Variants in RPGRIP1L observed in about 807,000 individuals in gnomAD.
The protein encoded by RPGRIP1L is protein fantom.
A neutral mutation model predicts 160.4 loss-of-function variants in RPGRIP1L; 131 were observed. That is an observed-to-expected ratio of 0.82 (90% confidence interval 0.71 to 0.94). The LOEUF (loss-of-function observed/expected upper bound fraction) is 0.94. RPGRIP1L is among the 40% of genes least tolerant of loss of function. The probability of loss-of-function intolerance (pLI) is 0.00; values close to 1 mark genes in which losing one functional copy is unlikely to be tolerated. For missense variants in RPGRIP1L, 1,522 were observed against 1,535.8 expected, an observed-to-expected ratio of 0.99 and a Z score of 0.15; for synonymous variants, 510 against 515.8, an observed-to-expected ratio of 0.99 and a Z score of 0.15.
chr16:53,653,457 G>A (rs527660419), intron 14 of RPGRIP1L: 4 of 531,238 alleles, frequency 7.5e-6, no homozygotes, highest in South Asian at 7.8e-5. Context: ...TGGTTTCACC[G>A]TTATATACAG....
In RPGRIP1L at chr16:53,700,736, G is replaced by GA. The variant is rs1256673338; in HGVS notation, c.-7-7dup. ...TTGGACCAGACATGGCCTAGCTGTG[G>GA]AAAAAAGAAAATTCAAATAAACTCT... On this transcript the variant is annotated splice_region_variant and splice_polypyrimidine_tract_variant and intron_variant, in intron 1 of 26. Transcript: ENST00000647211. The GA allele has an allele frequency of 1.9e-6, 3 of 1,603,492 alleles. No individual in the cohort carries two copies. The highest frequency in any genetic ancestry group is 1.3e-5 in the African/African-American group (1 of 74,752).
chr16:53,687,828 A>G, intron 5 of RPGRIP1L, 35 bp downstream of exon 5: 1 of 1,302,226 alleles, frequency 7.7e-7, no homozygotes, highest in Non-Finnish European at 1.1e-6. Flanking sequence ...ATCAATAACC[A>G]AAGTTCTCAA....
In RPGRIP1L at chr16:53,645,804, T is replaced by C; in HGVS notation, c.2504A>G (p.Asp835Gly). 6.2e-7 allele frequency: 1 copy of C among 1,614,188 alleles called. No homozygotes were observed. ...HDTAIIPSSN[D>G]PQFDDHMYFP... Reference sequence around the variant, plus strand: ...ATACATATGATCATCAAACTGTGGATCATTGCTACTGGGAATGATAGCTGT... The same window carrying C: ...ATACATATGATCATCAAACTGTGGACCATTGCTACTGGGAATGATAGCTGT... The change falls in exon 17 of 27, where the codon GAT becomes GGT. Residue 835 changes from aspartate (D) to glycine (G), a missense_variant. Physicochemically the swap from Asp to Gly is moderately conservative, Grantham distance 94. Coordinates refer to ENST00000647211, the MANE Select transcript of RPGRIP1L (RefSeq NM_015272.5).
At chr16:53,667,920 T>C (rs1052677993) in intron 9 of RPGRIP1L, among the ~76,000 whole-genome samples, 2 of 151,842 alleles carry the variant, frequency 1.3e-5, no homozygotes, top group African/African-American at 4.8e-5. Context: ...TAGACAGGTC[T>C]TGTGGCACAT....
chr16:53,645,765 A>T lies in RPGRIP1L; in HGVS notation c.2543T>A (p.Met848Lys), dbSNP rs1325721033. ...AAGGTATCGATCCAAGTCCATATTC[A>T]TTGGCACTGGGAAATACATATGATC... The part of the protein sequence containing the change: ...FDDHMYFPVP[M>K]NMDLDRYLKS... The change falls in exon 17 of 27, where the codon ATG becomes AAG. Residue 848 changes from methionine (M) to lysine (K), a missense_variant. By Grantham distance (95) the Met-to-Lys change is moderately conservative. Transcript: ENST00000647211. 1 of 1,614,144 alleles carries T rather than the reference A, an allele frequency of 6.2e-7. No homozygotes were observed. The highest frequency in any genetic ancestry group is 1.1e-5 in the South Asian group (1 of 91,078).
At position 53,605,253 on chromosome 16, in the gene RPGRIP1L, AAATT is replaced by A. The variant is rs1963602707; in HGVS notation, c.3835+224_3835+227del. ...CAAATGAATAATTCCTTGTGAAGCT[AAATT>A]AATTATTTTACAATTGCTGTTGATT... is the stretch of plus-strand genomic sequence containing the variant. On this transcript the variant is annotated intron_variant, in intron 26 of 26. Coordinates refer to ENST00000647211, the MANE Select transcript of RPGRIP1L (RefSeq NM_015272.5). The A allele has an allele frequency of 5.0e-6, 3 of 603,078 alleles. No individual in the cohort carries two copies. In the South Asian group the frequency reaches 6.0e-5, roughly 12 times the overall value. 37.4% of individuals were successfully genotyped at this position (603,078 alleles called of 1,614,324 possible). A position where few individuals can be genotyped will look rare whatever the true frequency, so the allele number is the denominator to read the frequency against.
Position 53,619,190 on chromosome 16 carries a change from T to A in RPGRIP1L, c.3451A>T (p.Ile1151Phe). 1 of 1,613,372 alleles carries A rather than the reference T, an allele frequency of 6.2e-7. No homozygotes were observed. Among genetic ancestry groups the A allele is most frequent in the South Asian group, 1.1e-5 (1 of 91,048 alleles). ...TTAAGGCTTAGAGCTATGATCTCAATCCGAATTTTTTCTGATGGCTGTTTA... is the reference window on the plus strand; with the variant it reads ...TTAAGGCTTAGAGCTATGATCTCAAACCGAATTTTTTCTGATGGCTGTTTA... ...HHTQPSEKIR[I>F]EIIALSLNDS... Residue 1151 changes from isoleucine (I) to phenylalanine (F), a missense_variant, in exon 24 of 27, where the codon ATT becomes TTT. Coordinates refer to ENST00000647211, the MANE Select transcript of RPGRIP1L (RefSeq NM_015272.5).
chr16:53,637,777 T>C lies in RPGRIP1L; in HGVS notation c.3138A>G (p.Leu1046=), dbSNP rs1306386140. Residue 1046 remains leucine (L), a synonymous_variant, in exon 21 of 27, where the codon TTA becomes TTG. Transcript: ENST00000647211. ...GTTCTGCAAGCTGACCTTCAGATAGTAAAGACACATCATCTTTTCCTTGCT... is the reference window on the plus strand; with the variant it reads ...GTTCTGCAAGCTGACCTTCAGATAGCAAAGACACATCATCTTTTCCTTGCT... ...KMQQGKDDVS[L]LSEGQLAEQS... is the part of the protein sequence containing the mutation. The C allele has an allele frequency of 6.2e-7, 1 of 1,613,146 alleles. No individual in the cohort carries two copies. The highest frequency in any genetic ancestry group is 1.3e-5 in the African/African-American group (1 of 75,028).
chr16:53,700,636 T>C lies in RPGRIP1L; in HGVS notation c.85+3A>G. 1.3e-6 allele frequency: 2 copies of C among 1,598,038 alleles called. No homozygotes were observed. The highest frequency in any genetic ancestry group is 8.6e-7 in the Non-Finnish European group (1 of 1,166,144). Reference sequence around the variant, plus strand: ...AACTGTAATAAATAACAGCTGGCCATACCTTGTAACCCTCCCATTCCAAAG... The same window carrying C: ...AACTGTAATAAATAACAGCTGGCCACACCTTGTAACCCTCCCATTCCAAAG... On this transcript the variant is annotated splice_donor_region_variant and intron_variant, in intron 2 of 26. Coordinates refer to ENST00000647211, the MANE Select transcript of RPGRIP1L (RefSeq NM_015272.5).
intron 22 of RPGRIP1L, among the ~76,000 whole-genome samples, chr16:53,625,535 C>A (rs1277140735): frequency 6.6e-6 from 1 of 150,824 alleles, no homozygotes; most frequent in Admixed American, 6.6e-5. Context: ...GGGGGCGCCT[C>A]CGCCCGGCAG....
intron 23 of RPGRIP1L, among the ~76,000 whole-genome samples, chr16:53,621,508 ACAC>A (rs1424704108): frequency 6.6e-6 from 1 of 150,676 alleles, no homozygotes; most frequent in Non-Finnish European, 1.5e-5. Context: ...TCTGACCAAT[ACAC>A]CTGGCAGAAA....
chr16:53,702,787 G>A (rs952201094), intron 1 of RPGRIP1L, among the ~76,000 whole-genome samples: 1 of 151,646 alleles, frequency 6.6e-6, no homozygotes, highest in Non-Finnish European at 1.5e-5. Context: ...CGAGTAGCTG[G>A]AACTACATGT....
chr16:53,695,039 C>A, intron 3 of RPGRIP1L: 1 of 350,190 alleles, frequency 2.9e-6, no homozygotes, highest in Non-Finnish European at 5.1e-6. Context: ...AACTTGATTC[C>A]TAGCTCAGTC....
intron 16 of RPGRIP1L, among the ~76,000 whole-genome samples, chr16:53,648,020 C>T (rs1025982699): frequency 6.9e-6 from 1 of 144,660 alleles, no homozygotes; most frequent in African/African-American, 2.6e-5. Context: ...CAGGAGAATG[C>T]ATGAACCCGG....
At chr16:53,603,239 T>C (rs1300744142) in intron 26 of RPGRIP1L, among the ~76,000 whole-genome samples, 1 of 152,252 alleles carries the variant, frequency 6.6e-6, no homozygotes, top group Non-Finnish European at 1.5e-5. Context: ...TCCATCCCTC[T>C]GTGGACAATG....
chr16:53,701,102 C>A (rs1971357156), intron 1 of RPGRIP1L, among the ~76,000 whole-genome samples: 1 of 152,146 alleles, frequency 6.6e-6, no homozygotes, highest in Non-Finnish European at 1.5e-5. Context: ...ACTAGTCAAG[C>A]CACCTAAACT....
At chr16:53,658,328 A>C in intron 12 of RPGRIP1L, 86 bp downstream of exon 12, 1 of 971,016 alleles carries the variant, frequency 1.0e-6, no homozygotes, top group South Asian at 1.3e-5. Context: ...TCATTCTCCA[A>C]ATGTAAGGGT....
chr16:53,617,154 C>A (rs1300293983), intron 24 of RPGRIP1L, among the ~76,000 whole-genome samples: 1 of 140,250 alleles, frequency 7.1e-6, no homozygotes, highest in Non-Finnish European at 1.5e-5. Context: ...TGAGAATGCA[C>A]AAAATTTGGG....
intron 9 of RPGRIP1L, among the ~76,000 whole-genome samples, chr16:53,670,652 A>T (rs1968637416): frequency 6.6e-6 from 1 of 152,198 alleles, no homozygotes; most frequent in African/African-American, 2.4e-5. Context: ...TGAGATAAAG[A>T]TGCTTGTGTT....
Sources: allele counts gnomAD v4.1 joint callset (sites outside exome capture counted in the v4.1 genomes callset), GRCh38; gene constraint gnomAD v4.1.1; transcripts MANE v1.5; gene names NCBI Gene and HGNC (gene_info 2026-07-23, HGNC 2026-07-21).